SLC14A2: variants seen among roughly 807,000 people sequenced by gnomAD.
SLC14A2 encodes solute carrier family 14 member 2, also known as urea transporter 2.
SLC14A2 carries 91 observed loss-of-function variants against 104.6 expected under a neutral mutation model. The observed-to-expected ratio is 0.87, with a 90% CI of 0.73 to 1.04. The LOEUF (loss-of-function observed/expected upper bound fraction) is 1.04, where lower values mean the gene tolerates loss of function less well. Ranked by LOEUF, SLC14A2 falls within the 50% of genes least tolerant of loss-of-function variation. The pLI is 0.00. For missense variants in SLC14A2, 1,189 were observed against 1,156.0 expected (o/e 1.03, Z -0.41); for synonymous variants, 476 against 466.4 (o/e 1.02, Z -0.27).
intron 1 of SLC14A2, among the ~76,000 whole-genome samples, chr18:45,215,196 T>C (rs1599579129): frequency 6.6e-6 from 1 of 152,238 alleles, no homozygotes; most frequent in Non-Finnish European, 1.5e-5. Context: ...AATTGCCTTA[T>C]ACATTATTCA....
At chr18:45,273,161 G>A (rs938785970) in intron 1 of SLC14A2, among the ~76,000 whole-genome samples, 1 of 152,134 alleles carries the variant, frequency 6.6e-6, no homozygotes, top group Non-Finnish European at 1.5e-5. Flanking sequence ...CTCGACTCTC[G>A]CTTTGCTATG....
chr18:45,654,188 G>A (rs1352704373), intron 10 of SLC14A2, among the ~76,000 whole-genome samples: 1 of 151,860 alleles, frequency 6.6e-6, no homozygotes, highest in Non-Finnish European at 1.5e-5. Context: ...TCTTCTCCCT[G>A]ATCCTCCATG....
At chr18:45,250,755 C>CTTTT (rs67864793) in intron 1 of SLC14A2, among the ~76,000 whole-genome samples, 6,083 of 93,562 alleles carry the variant, frequency 0.065, 145 homozygotes, top group Non-Finnish European at 0.093. Flanking sequence ...TGGCTTCTTC[C>CTTTT]TTTTTTTTTT....
chr18:45,276,247 T>G (rs900930892), intron 1 of SLC14A2, among the ~76,000 whole-genome samples: 3 of 152,236 alleles, frequency 2.0e-5, no homozygotes, highest in African/African-American at 7.2e-5. Flanking sequence ...ATTTATTCCT[T>G]TAGCAAGTTC....
At chr18:45,289,263 G>A (rs1280369089) in intron 1 of SLC14A2, among the ~76,000 whole-genome samples, 2 of 151,980 alleles carry the variant, frequency 1.3e-5, no homozygotes, top group Non-Finnish European at 2.9e-5. Flanking sequence ...TTAGCCTGGT[G>A]GATGATCCCC....
intron 1 of SLC14A2, among the ~76,000 whole-genome samples, chr18:45,455,648 T>G (rs901893098): frequency 7.0e-6 from 1 of 142,594 alleles, no homozygotes; most frequent in Non-Finnish European, 1.6e-5. Flanking sequence ...ATAATAATAA[T>G]AATAATAATA....
intron 1 of SLC14A2, among the ~76,000 whole-genome samples, chr18:45,341,470 A>G (rs1444283907): frequency 1.3e-5 from 2 of 152,172 alleles, no homozygotes; most frequent in Non-Finnish European, 2.9e-5. Context: ...CTCTCCTCCT[A>G]TAAACAAATG....
In SLC14A2 at chr18:45,667,860, A is replaced by T. The variant is rs756291442; in HGVS notation, c.1745A>T (p.Asp582Val). The T allele has an allele frequency of 1.9e-6, 3 of 1,614,020 alleles. No individual in the cohort carries two copies. The South Asian group carries it at 3.3e-5, about 18-fold the overall frequency. ...KDKSPVFQFFDWVLRGTSQVM... is the reference protein window; with the variant it reads ...KDKSPVFQFFVWVLRGTSQVM... The stretch of plus-strand genomic sequence containing the variant: ...AAGTCCCCAGTGTTCCAGTTCTTTG[A>T]CTGGGTCCTCCGAGGCACATCTCAA... Residue 582 changes from aspartate to valine, a missense_variant, in exon 14 of 20, where the codon GAC becomes GTC. Transcript: ENST00000255226.
intron 1 of SLC14A2, among the ~76,000 whole-genome samples, chr18:45,373,541 ACT>A (rs2085744090): frequency 6.6e-6 from 1 of 152,152 alleles, no homozygotes; most frequent in Admixed American, 6.5e-5. Flanking sequence ...ACTTCAGGCT[ACT>A]CTCAGATTTA....
At chr18:45,183,466 TC>T in the SLC14A2 span, among the ~76,000 whole-genome samples, 1 of 152,106 alleles carries the variant, frequency 6.6e-6, no homozygotes, top group African/African-American at 2.4e-5. Context: ...ACTCCTATCC[TC>T]TCAGAACATT....
At chr18:45,637,443 C>T (rs1039356721) in intron 6 of SLC14A2, among the ~76,000 whole-genome samples, 1 of 152,198 alleles carries the variant, frequency 6.6e-6, no homozygotes, top group African/African-American at 2.4e-5. Context: ...AGGAAGCCTA[C>T]ATTCTATACG....
intron 1 of SLC14A2, among the ~76,000 whole-genome samples, chr18:45,314,746 A>C (rs1274387919): frequency 6.6e-6 from 1 of 152,196 alleles, no homozygotes; most frequent in African/African-American, 2.4e-5. Flanking sequence ...ATCCTTCAAC[A>C]ATGTTGTAAT....
upstream of SLC14A2, among the ~76,000 whole-genome samples, chr18:45,208,362 C>A (rs577877228): frequency 3.9e-5 from 6 of 152,268 alleles, no homozygotes; most frequent in African/African-American, 1.4e-4. Context: ...GCTGAGTCAT[C>A]AACAGTGACC....
intron 1 of SLC14A2, among the ~76,000 whole-genome samples, chr18:45,385,948 G>A (rs998090644): frequency 3.3e-5 from 5 of 152,214 alleles, no homozygotes; most frequent in Non-Finnish European, 7.3e-5. Context: ...CCCCAGGGTA[G>A]GGTTAAGGAC....
In SLC14A2 at chr18:45,672,918, G is replaced by A. The variant is rs1123617; in HGVS notation, c.2248G>A (p.Val750Ile). 249,220 of 1,613,224 alleles carry A rather than the reference G, an allele frequency of 0.15. 20,173 individuals carry two copies. The highest frequency in any genetic ancestry group is 0.26 in the East Asian group (11,556 of 44,852). The change falls in exon 17 of 20, where the codon GTT becomes ATT. Residue 750 changes from valine (V) to isoleucine (I), a missense_variant. Transcript: ENST00000255226. ...QVPLLLRAIPVGIGQVYGCDN... is the reference protein window; with the variant it reads ...QVPLLLRAIPIGIGQVYGCDN... ...CCTACAGCTTTTGAGAGCCATCCCC[G>A]TTGGAATTGGCCAAGTGTACGGCTG...
At chr18:45,170,730 C>T in the SLC14A2 span, among the ~76,000 whole-genome samples, 1 of 152,178 alleles carries the variant, frequency 6.6e-6, no homozygotes, top group Non-Finnish European at 1.5e-5. Context: ...TTAACTTTCA[C>T]TGAGTCTCAT....
At position 45,627,041 on chromosome 18, in the gene SLC14A2, C is replaced by G. The variant is rs908077709; in HGVS notation, c.415C>G (p.Leu139Val). 1.2e-6 allele frequency: 2 copies of G among 1,613,644 alleles called. No homozygotes were observed. Among genetic ancestry groups the G allele is most frequent in the Non-Finnish European group, 1.7e-6 (2 of 1,179,974 alleles). ...GTTCATCAACAATCCTCTCAGCGGCCTCATCATCTTCATAGGGCTGCTGAT... is the reference window on the plus strand; with the variant it reads ...GTTCATCAACAATCCTCTCAGCGGCGTCATCATCTTCATAGGGCTGCTGAT... The part of the protein sequence containing the change: ...VMFINNPLSG[L>V]IIFIGLLIQN... The change falls in exon 4 of 20, where the codon CTC (leucine) becomes GTC (valine). Residue 139 changes from leucine to valine, a missense_variant. Physicochemically the swap from Leu to Val is conservative, Grantham distance 32. Transcript: ENST00000255226.
chr18:45,409,312 T>C (rs1026311089), intron 1 of SLC14A2, among the ~76,000 whole-genome samples: 1 of 152,164 alleles, frequency 6.6e-6, no homozygotes, highest in African/African-American at 2.4e-5. Context: ...CTATTCTTGT[T>C]TTTATTATTT....
chr18:45,452,128 A>G (rs546095839), intron 1 of SLC14A2, among the ~76,000 whole-genome samples: 1 of 152,282 alleles, frequency 6.6e-6, no homozygotes, highest in Non-Finnish European at 1.5e-5. Context: ...TGTGTAAGAG[A>G]CACTCTCAAG....
Sources: gnomAD v4.1 joint callset for allele counts (sites outside exome capture counted in the v4.1 genomes callset) on GRCh38, gnomAD v4.1.1 for gene constraint, MANE v1.5 for transcripts, NCBI Gene and HGNC (gene_info 2026-07-23, HGNC 2026-07-21) for gene names.